CNTNAP5: variants seen among roughly 807,000 people sequenced by gnomAD.
CNTNAP5 encodes contactin associated protein family member 5, also known as contactin-associated protein-like 5.
Under a neutral mutation model 150.2 loss-of-function variants are expected in CNTNAP5, and 72 were observed. The ratio of observed to expected loss-of-function variants is 0.48; its 90% CI spans 0.40 to 0.58. The LOEUF is 0.58. Ranked by LOEUF, CNTNAP5 falls within the 20% of genes least tolerant of loss-of-function variation. The pLI is 0.00. For missense variants in CNTNAP5, 1,636 were observed against 1,626.2 expected, an observed-to-expected ratio of 1.01 and a Z score of -0.10; for synonymous variants, 672 against 619.8, an observed-to-expected ratio of 1.08 and a Z score of -1.25.
At chr2:124,247,798 C>G (rs1687068067) in intron 3 of CNTNAP5, among the ~76,000 whole-genome samples, 1 of 152,090 alleles carries the variant, frequency 6.6e-6, no homozygotes, top group Non-Finnish European at 1.5e-5. Flanking sequence ...TCTTTTTAAG[C>G]TAATACATTA....
At chr2:124,872,302 GA>G (rs1220160320) in intron 21 of CNTNAP5, among the ~76,000 whole-genome samples, 1 of 151,562 alleles carries the variant, frequency 6.6e-6, no homozygotes, top group African/African-American at 2.4e-5. Context: ...TCCAACATCT[GA>G]AGTCTGTGAG....
chr2:124,707,192 GAAGAAGAAGAAGAAT>G (rs1477732772), intron 13 of CNTNAP5, among the ~76,000 whole-genome samples: 9 of 130,024 alleles, frequency 6.9e-5, no homozygotes, highest in East Asian at 5.6e-4. Flanking sequence ...AGAAGAAGAA[GAAGAAGAAGAAGAAT>G]AAACAACTTG....
intron 14 of CNTNAP5, among the ~76,000 whole-genome samples, chr2:124,751,774 G>C (rs1010593854): frequency 1.3e-5 from 2 of 152,192 alleles, no homozygotes; most frequent in African/African-American, 2.4e-5. Context: ...TGTATAGCAC[G>C]CAGTGGATAG....
At chr2:124,477,964 A>T (rs1174230185) in intron 7 of CNTNAP5, among the ~76,000 whole-genome samples, 1 of 152,144 alleles carries the variant, frequency 6.6e-6, no homozygotes, top group Non-Finnish European at 1.5e-5. Context: ...CTCATTGTTC[A>T]TAAACTGGGG....
At chr2:124,368,043 G>A (rs1690421848) in intron 3 of CNTNAP5, among the ~76,000 whole-genome samples, 1 of 152,176 alleles carries the variant, frequency 6.6e-6, no homozygotes, top group South Asian at 2.1e-4. Flanking sequence ...GGAACTATAG[G>A]TGATTTTTTT....
Position 124,504,380 on chromosome 2 carries a change from C to T in CNTNAP5, c.1151C>T (p.Thr384Ile), listed in dbSNP as rs773168107. 20 of 1,613,890 alleles carry T rather than the reference C, an allele frequency of 1.2e-5. No homozygotes were observed. In the East Asian group the frequency reaches 3.6e-4, roughly 29 times the overall value. ...GGCAGCTATTTGCTGCTGCCCGGCA[C>T]CCCCCAAATTGATGGGCTCTCAGTG... ...SSGSYLLLPGTPQIDGLSVSF... is the reference protein window; with the variant it reads ...SSGSYLLLPGIPQIDGLSVSF... Residue 384 changes from threonine (T) to isoleucine (I), a missense_variant, in exon 8 of 24, where the codon ACC (threonine) becomes ATC (isoleucine). Physicochemically the swap from Thr to Ile is moderately conservative, Grantham distance 89. Transcript: ENST00000682447.
chr2:124,422,232 A>G (rs1264583361), intron 4 of CNTNAP5, among the ~76,000 whole-genome samples: 2 of 152,176 alleles, frequency 1.3e-5, no homozygotes, highest in African/African-American at 4.8e-5. Flanking sequence ...AATTTTTCCA[A>G]AAGTTTAGTT....
At chr2:124,802,363 A>G (rs1268555808) in intron 19 of CNTNAP5, among the ~76,000 whole-genome samples, 1 of 152,166 alleles carries the variant, frequency 6.6e-6, no homozygotes, top group East Asian at 1.9e-4. Context: ...TATTCTTGAA[A>G]TTTCTCCAAC....
At position 124,527,326 on chromosome 2, in the gene CNTNAP5, A is replaced by T. The variant is rs200602463; in HGVS notation, c.1519A>T (p.Ile507Phe). 1 of 1,613,758 alleles carries T rather than the reference A, an allele frequency of 6.2e-7. No individual in the cohort carries two copies. The highest frequency in any genetic ancestry group is 8.5e-7 in the Non-Finnish European group (1 of 1,179,750). ...CACCGATTCCCAATGTTTAAATCCC[A>T]TTAAGGCTTTCCAAGGCTGCATGAG... ...NLTDSQCLNP[I>F]KAFQGCMRLI... The change falls in exon 10 of 24, where the codon ATT becomes TTT. Residue 507 changes from isoleucine to phenylalanine, a missense_variant. Ile to Phe is a conservative substitution (Grantham distance 21). Coordinates refer to ENST00000682447, the MANE Select transcript of CNTNAP5 (RefSeq NM_001367498.1).
At chr2:124,443,239 T>C in intron 5 of CNTNAP5, among the ~76,000 whole-genome samples, 1 of 148,814 alleles carries the variant, frequency 6.7e-6, no homozygotes, top group East Asian at 1.9e-4. Context: ...TATATGATTA[T>C]ATATTATTTA....
At chr2:124,136,532 C>T (rs1683978202) in intron 1 of CNTNAP5, among the ~76,000 whole-genome samples, 1 of 152,096 alleles carries the variant, frequency 6.6e-6, no homozygotes, top group Admixed American at 6.5e-5. Flanking sequence ...TAGCACAAAG[C>T]CTATTTTATA....
At chr2:124,862,103 C>T (rs748859027) in intron 19 of CNTNAP5, among the ~76,000 whole-genome samples, 10 of 152,224 alleles carry the variant, frequency 6.6e-5, no homozygotes, top group Non-Finnish European at 1.3e-4. Context: ...CGTGAGCCAT[C>T]ACACCTAGCC....
rs1286825979 is a variant in CNTNAP5, at chr2:124,917,316, G to C, written c.*3028G>C. On this transcript the variant is annotated 3_prime_UTR_variant, in exon 24 of 24. Transcript: ENST00000682447. ...CACATTTTAATGGAGCTGTTTCATT[G>C]ATATTTTTTTCCACCAAACAAATCT... Among the ~76,000 whole-genome samples, 2 of 151,964 alleles carry C rather than the reference G, an allele frequency of 1.3e-5. No homozygotes were observed. Among genetic ancestry groups the C allele is most frequent in the African/African-American group, 4.8e-5 (2 of 41,398 alleles).
intron 3 of CNTNAP5, among the ~76,000 whole-genome samples, chr2:124,369,251 A>T (rs1398748757): frequency 2.6e-5 from 4 of 152,160 alleles, no homozygotes; most frequent in African/African-American, 9.7e-5. Context: ...GTATATTTTC[A>T]TAGAAAGAAA....
chr2:124,501,148 G>A (rs1411039166), intron 7 of CNTNAP5, among the ~76,000 whole-genome samples: 1 of 152,192 alleles, frequency 6.6e-6, no homozygotes, highest in African/African-American at 2.4e-5. Context: ...GTTTTACCTT[G>A]AAGGTTTGAT....
At chr2:124,538,668 AAG>A (rs1027170005) in intron 10 of CNTNAP5, among the ~76,000 whole-genome samples, 5 of 151,914 alleles carry the variant, frequency 3.3e-5, no homozygotes, top group African/African-American at 1.2e-4. Flanking sequence ...GAAGGAAAGA[AAG>A]AAAGGAAGGA....
intron 10 of CNTNAP5, among the ~76,000 whole-genome samples, chr2:124,533,894 C>T (rs562962770): frequency 2.6e-5 from 4 of 152,294 alleles, no homozygotes; most frequent in African/African-American, 7.2e-5. Flanking sequence ...TACCCCTGAA[C>T]GTCACAGCTT....
At chr2:124,487,836 A>T (rs557532199) in intron 7 of CNTNAP5, among the ~76,000 whole-genome samples, 1 of 152,062 alleles carries the variant, frequency 6.6e-6, no homozygotes, top group Non-Finnish European at 1.5e-5. Context: ...TCGAATGCTT[A>T]TACTAGGATT....
intron 1 of CNTNAP5, among the ~76,000 whole-genome samples, chr2:124,192,582 C>T (rs985677786): frequency 5.9e-5 from 9 of 152,158 alleles, no homozygotes; most frequent in African/African-American, 1.9e-4. Flanking sequence ...AGTGTCAAAA[C>T]TGAACTCCAC....
Sources: allele counts gnomAD v4.1 joint callset (sites outside exome capture counted in the v4.1 genomes callset), GRCh38; gene constraint gnomAD v4.1.1; transcripts MANE v1.5; gene names NCBI Gene and HGNC (gene_info 2026-07-23, HGNC 2026-07-21).